CALD1: variants seen among roughly 807,000 people sequenced by gnomAD.
CALD1 encodes caldesmon.
In CALD1, 33 loss-of-function variants were observed where a neutral mutation model predicts 99.9. That is an observed-to-expected ratio of 0.33 (90% confidence interval 0.25 to 0.44). The LOEUF is 0.44. Ranked by LOEUF, CALD1 falls within the 20% of genes least tolerant of loss-of-function variation. CALD1 has a pLI of 1.00. For missense variants in CALD1, 861 were observed against 962.1 expected, an observed-to-expected ratio of 0.89 and a Z score of 1.39; for synonymous variants, 310 against 325.0, an observed-to-expected ratio of 0.95 and a Z score of 0.50.
At chr7:134,861,840 C>T (rs542334858) in intron 2 of CALD1, among the ~76,000 whole-genome samples, 1 of 151,988 alleles carries the variant, frequency 6.6e-6, no homozygotes, top group African/African-American at 2.4e-5. Context: ...GAGTTCCTTG[C>T]GAGAGCAGAG....
the CALD1 span, among the ~76,000 whole-genome samples, chr7:134,728,279 G>A: frequency 5.3e-5 from 8 of 152,108 alleles, no homozygotes; most frequent in African/African-American, 1.7e-4. Flanking sequence ...TTCACGAATC[G>A]GTCAGCCCCC....
At chr7:134,735,409 T>C in the CALD1 span, among the ~76,000 whole-genome samples, 1 of 152,206 alleles carries the variant, frequency 6.6e-6, no homozygotes, top group African/African-American at 2.4e-5. Flanking sequence ...GGGTGAAATA[T>C]TGAAGTAAAC....
At chr7:134,948,168 G>C (rs1807055218) in intron 8 of CALD1, 1 of 159,010 alleles carries the variant, frequency 6.3e-6, no homozygotes. Flanking sequence ...TTACCAGAAT[G>C]AAGTTATGGT....
intron 14 of CALD1, among the ~76,000 whole-genome samples, chr7:134,967,177 A>T (rs1808737917): frequency 6.6e-6 from 1 of 152,174 alleles, no homozygotes; most frequent in Non-Finnish European, 1.5e-5. Flanking sequence ...CCACTCACAT[A>T]CAAACATGAA....
Position 134,933,348 on chromosome 7 carries a change from G to A in CALD1, c.579G>A (p.Glu193=). The A allele has an allele frequency of 1.2e-6, 2 of 1,604,640 alleles. No individual in the cohort carries two copies. Among genetic ancestry groups the A allele is most frequent in the Non-Finnish European group, 1.7e-6 (2 of 1,175,438 alleles). Residue 193 remains glutamate, a synonymous_variant, in exon 5 of 15, where the codon GAG becomes GAA. Transcript: ENST00000361675. ...NKKEDKEKEE[E]EEEKPKRGSI... ...AAGAAGACAAGGAAAAGGAGGAGGA[G>A]GAAGAGGAGAAGCCAAAGCGAGGGA... is the stretch of plus-strand genomic sequence containing the variant.
the CALD1 span, among the ~76,000 whole-genome samples, chr7:134,731,171 T>A: frequency 0.53 from 80,591 of 151,556 alleles, 22,760 homozygotes; most frequent in East Asian, 0.82. Context: ...TCTTCCACAC[T>A]CTCTCTCTCT....
chr7:134,875,887 C>G (rs370920161), intron 3 of CALD1, among the ~76,000 whole-genome samples: 1 of 152,160 alleles, frequency 6.6e-6, no homozygotes. Context: ...CAGAGAAGAT[C>G]GAGTTTCCCT....
chr7:134,879,429 T>G (rs1006720019), intron 3 of CALD1, among the ~76,000 whole-genome samples: 1 of 152,232 alleles, frequency 6.6e-6, no homozygotes, highest in Non-Finnish European at 1.5e-5. Context: ...ACGCAGACTG[T>G]TTTTGAATTT....
the CALD1 span, among the ~76,000 whole-genome samples, chr7:134,714,487 C>T: frequency 6.6e-6 from 1 of 152,096 alleles, no homozygotes; most frequent in Non-Finnish European, 1.5e-5. Context: ...CATCTTAGGC[C>T]ACTCCTGTCT....
chr7:134,813,020 G>C (rs1260530177), intron 1 of CALD1, among the ~76,000 whole-genome samples: 1 of 152,218 alleles, frequency 6.6e-6, no homozygotes, highest in African/African-American at 2.4e-5. Context: ...AGATGTGCTA[G>C]AAGCCAAATG....
intron 3 of CALD1, among the ~76,000 whole-genome samples, chr7:134,904,765 A>G (rs1006434614): frequency 6.6e-6 from 1 of 152,104 alleles, no homozygotes; most frequent in African/African-American, 2.4e-5. Flanking sequence ...GCTCTGATCC[A>G]TCAATTCTCC....
intron 2 of CALD1, among the ~76,000 whole-genome samples, chr7:134,862,684 CTG>C (rs1383199628): frequency 2.6e-5 from 4 of 152,176 alleles, no homozygotes; most frequent in Non-Finnish European, 5.9e-5. Flanking sequence ...ACCTATGAAA[CTG>C]TGCAACAAAG....
intron 1 of CALD1, among the ~76,000 whole-genome samples, chr7:134,814,331 A>T (rs893536318): frequency 1.3e-5 from 2 of 152,216 alleles, no homozygotes; most frequent in African/African-American, 4.8e-5. Flanking sequence ...GAAATCAGAA[A>T]GGGGAAAGAC....
At chr7:134,728,416 C>T in the CALD1 span, among the ~76,000 whole-genome samples, 6 of 152,266 alleles carry the variant, frequency 3.9e-5, no homozygotes, top group East Asian at 1.9e-4. Context: ...TACAGCTCAG[C>T]GTTTGCCTTA....
chr7:134,905,782 A>T (rs1377546526), intron 3 of CALD1, among the ~76,000 whole-genome samples: 1 of 152,070 alleles, frequency 6.6e-6, no homozygotes, highest in African/African-American at 2.4e-5. Flanking sequence ...AGAAGTCATG[A>T]GTGTACCTCT....
intron 7 of CALD1, among the ~76,000 whole-genome samples, chr7:134,945,801 C>T (rs1806814943): frequency 6.6e-6 from 1 of 152,184 alleles, no homozygotes; most frequent in Admixed American, 6.5e-5. Flanking sequence ...TAGGTTAATG[C>T]AGTCATTAAG....
chr7:134,714,456 T>C, the CALD1 span, among the ~76,000 whole-genome samples: 1 of 152,204 alleles, frequency 6.6e-6, no homozygotes, highest in Non-Finnish European at 1.5e-5. Context: ...CGAGAAGACC[T>C]AACTCTGCCC....
chr7:134,749,237 T>C lies in CALD1; in HGVS notation c.-130+4874T>C, dbSNP rs1007048828. Among the ~76,000 whole-genome samples the C allele has an allele frequency of 2.0e-5, 3 of 152,202 alleles. 1 individual carries two copies. The highest frequency in any genetic ancestry group is 4.1e-4 in the South Asian group (2 of 4,836). On this transcript the variant is annotated intron_variant, in intron 1 of 13. Coordinates refer to the CALD1 transcript ENST00000417172. ...TGAATGAAAAGAGAAAAGGGACTTA[T>C]TTGTTTGTCTTCAAAGGAACACCTC...
chr7:134,883,176 C>A (rs1008266364), intron 3 of CALD1, among the ~76,000 whole-genome samples: 2 of 152,114 alleles, frequency 1.3e-5, no homozygotes, highest in African/African-American at 4.8e-5. Flanking sequence ...ATTCTTAGAT[C>A]TACTGGGAAA....
Sources: gnomAD v4.1 joint callset for allele counts (sites outside exome capture counted in the v4.1 genomes callset) on GRCh38, gnomAD v4.1.1 for gene constraint, MANE v1.5 for transcripts, NCBI Gene and HGNC (gene_info 2026-07-23, HGNC 2026-07-21) for gene names.